The following WDR4 variants were observed in gnomAD, a reference collection of about 807,000 sequenced individuals.
The protein encoded by WDR4 is WDR4 tRNA N7-guanosine methyltransferase non-catalytic subunit, also known as tRNA (guanine-N(7)-)-methyltransferase non-catalytic subunit WDR4.
Under a neutral mutation model 48.6 loss-of-function variants are expected in WDR4, and 47 were observed. That is an observed-to-expected ratio of 0.97 (90% CI 0.77 to 1.23). WDR4 has a LOEUF of 1.23. Ranked by LOEUF, WDR4 falls within the 50% of genes most tolerant of loss-of-function variation. WDR4 has a pLI of 0.00. For missense variants in WDR4, 606 were observed against 551.6 expected, an observed-to-expected ratio of 1.10 and a Z score of -0.99; for synonymous variants, 268 against 230.0, an observed-to-expected ratio of 1.17 and a Z score of -1.49.
At chr21:42,873,513 A>G in intron 3 of WDR4, 38 bp downstream of exon 3, 1 of 1,611,684 alleles carries the variant, frequency 6.2e-7, no homozygotes, top group East Asian at 2.2e-5. Context: ...TAAGGTGTGC[A>G]TTCGACATCT....
chr21:42,879,532 C>G lies in WDR4; in HGVS notation c.-37G>C, dbSNP rs770090848. On this transcript the variant is annotated 5_prime_UTR_variant, in exon 1 of 11. Coordinates refer to ENST00000398208, the MANE Select transcript of WDR4 (RefSeq NM_018669.6). ...CCTCACCGCCATACACATGTGCCAGCCCAGAGCCTCTTCCTGTCCGCACCG... is the reference window on the plus strand; with the variant it reads ...CCTCACCGCCATACACATGTGCCAGGCCAGAGCCTCTTCCTGTCCGCACCG... 47 of 1,609,160 alleles carry G rather than the reference C, an allele frequency of 2.9e-5. No homozygotes were observed. In the South Asian group the frequency reaches 4.5e-4, roughly 15 times the overall value.
chr21:42,887,525 T>C, the WDR4 span, among the ~76,000 whole-genome samples: 5 of 152,116 alleles, frequency 3.3e-5, no homozygotes, highest in Non-Finnish European at 4.4e-5. Flanking sequence ...GCATTTTAAG[T>C]AGATACTTAG....
upstream of WDR4, among the ~76,000 whole-genome samples, chr21:42,882,743 A>G (rs527751330): frequency 9.4e-4 from 143 of 152,090 alleles, no homozygotes; most frequent in African/African-American, 3.2e-3. Flanking sequence ...TAGGAGAATC[A>G]ATTGAGGTCA....
intron 6 of WDR4, among the ~76,000 whole-genome samples, chr21:42,859,149 C>T (rs905781788): frequency 8.6e-5 from 13 of 152,036 alleles, no homozygotes; most frequent in East Asian, 1.9e-4. Flanking sequence ...TGCGGGCGCT[C>T]GAGCCTGTGG....
Position 42,855,677 on chromosome 21 carries a change from G to A in WDR4, c.726+5C>T, listed in dbSNP as rs1251046713. 2 of 1,546,344 alleles carry A rather than the reference G, an allele frequency of 1.3e-6. No homozygotes were observed. Among genetic ancestry groups the A allele is most frequent in the Non-Finnish European group, 1.8e-6 (2 of 1,142,820 alleles). ...AGTCGCCCAGGAGTGAACAGAAGCA[G>A]CTACCTGGGGGGCCTGGGGGTCCAC... On this transcript the variant is annotated splice_donor_5th_base_variant and intron_variant, in intron 7 of 10. Transcript: ENST00000398208.
chr21:42,872,777 A>T (rs909715078), intron 3 of WDR4, among the ~76,000 whole-genome samples: 1 of 152,002 alleles, frequency 6.6e-6, no homozygotes, highest in African/African-American at 2.4e-5. Context: ...CTCTACTAAA[A>T]ATACAAAAAA....
intron 11 of WDR4, among the ~76,000 whole-genome samples, chr21:42,843,570 C>T (rs1439256319): frequency 6.7e-6 from 1 of 149,884 alleles, no homozygotes; most frequent in Non-Finnish European, 1.5e-5. Flanking sequence ...GCCACCACAC[C>T]TGGCTAATTT....
intron 2 of WDR4, 109 bp from the exon 3 acceptor site, chr21:42,873,800 A>G: frequency 7.4e-7 from 1 of 1,357,240 alleles, no homozygotes; most frequent in South Asian, 1.4e-5. Flanking sequence ...GAAACTGTTA[A>G]GGGGATCACG....
Position 42,849,515 on chromosome 21 carries a change from C to G in WDR4, c.*534G>C, listed in dbSNP as rs1402113432. The stretch of plus-strand genomic sequence containing the variant: ...TCACTTCCCACAAGGGAGCCACTCT[C>G]CAGGAGCAGCTCCTGAGCACAAGGG... On this transcript the variant is annotated 3_prime_UTR_variant, in exon 11 of 11. Coordinates refer to ENST00000398208, the MANE Select transcript of WDR4 (RefSeq NM_018669.6). 6.6e-6 allele frequency: 1 copy of G among 152,658 alleles called. No individual in the cohort carries two copies. The highest frequency in any genetic ancestry group is 2.4e-5 in the African/African-American group (1 of 41,472). The allele number at this position is 152,658 out of a possible 1,614,324, so 9.5% of individuals were successfully genotyped here. A position where few individuals can be genotyped will look rare whatever the true frequency, so the allele number is the denominator to read the frequency against.
At chr21:42,853,224 GGCTGTGCTAATCCAGCCTCCAA>G (rs968359874) in intron 9 of WDR4, among the ~76,000 whole-genome samples, 4 of 152,278 alleles carry the variant, frequency 2.6e-5, no homozygotes, top group African/African-American at 9.6e-5. Context: ...CCAGGCCCGA[GGCTGTGCTAATCCAGCCTCCAA>G]GTGTTAGTCC....
At chr21:42,846,883 G>A (rs1447684201), downstream of WDR4, among the ~76,000 whole-genome samples, 12 of 152,054 alleles carry the variant, frequency 7.9e-5, no homozygotes, top group East Asian at 1.9e-4. Context: ...TTAGCCAGGC[G>A]TGGTGGCAGG....
At chr21:42,890,478 G>C in the WDR4 span, among the ~76,000 whole-genome samples, 8 of 152,330 alleles carry the variant, frequency 5.3e-5, no homozygotes. Context: ...GGAGGTTTCA[G>C]TGAGCCAAGA....
rs970115428 is a variant in WDR4 at position 42,849,359 on chromosome 21, A to G, written c.*690T>C. 6.6e-6 allele frequency: 1 copy of G among 152,298 alleles called. No individual in the cohort carries two copies. Among genetic ancestry groups the G allele is most frequent in the Non-Finnish European group, 1.5e-5 (1 of 68,086 alleles). The allele number at this position is 152,298 out of a possible 1,614,324, so 9.4% of individuals were successfully genotyped here. A position where few individuals can be genotyped will look rare whatever the true frequency, so the allele number is the denominator to read the frequency against. On this transcript the variant is annotated 3_prime_UTR_variant, in exon 11 of 11. Coordinates refer to ENST00000398208, the MANE Select transcript of WDR4 (RefSeq NM_018669.6). The stretch of plus-strand genomic sequence containing the variant: ...GTGTGTGCCAAGGTCAAATCAAATC[A>G]TAACGACGTCCTCAATCACCTCCCT...
the WDR4 span, among the ~76,000 whole-genome samples, chr21:42,886,599 G>C: frequency 6.6e-6 from 1 of 152,208 alleles, no homozygotes; most frequent in Non-Finnish European, 1.5e-5. Context: ...CTTTGCCAGC[G>C]TAAGGCCTGT....
At chr21:42,853,481 A>C in intron 9 of WDR4, 88 bp downstream of exon 9, 1 of 1,432,574 alleles carries the variant, frequency 7.0e-7, no homozygotes. Context: ...AGGCTTACCC[A>C]TGGACCCAAA....
chr21:42,867,285 G>T (rs2058267269), intron 3 of WDR4, among the ~76,000 whole-genome samples: 1 of 151,940 alleles, frequency 6.6e-6, no homozygotes, highest in African/African-American at 2.4e-5. Flanking sequence ...CAGCTACTCA[G>T]GAGGCTGAGG....
intron 5 of WDR4, among the ~76,000 whole-genome samples, chr21:42,861,118 T>C (rs1479529169): frequency 6.6e-6 from 1 of 151,982 alleles, no homozygotes; most frequent in East Asian, 1.9e-4. Flanking sequence ...AAGACCAGCC[T>C]GGCCAACATA....
chr21:42,863,030 G>A (rs933958991), intron 4 of WDR4, among the ~76,000 whole-genome samples: 2 of 152,258 alleles, frequency 1.3e-5, no homozygotes, highest in South Asian at 2.1e-4. Context: ...CCAAGGAGGC[G>A]GAGCCAGAGG....
chr21:42,881,451 A>G (rs1441578813), upstream of WDR4, among the ~76,000 whole-genome samples: 2 of 152,200 alleles, frequency 1.3e-5, no homozygotes, highest in Non-Finnish European at 2.9e-5. Flanking sequence ...GTGTCTCAAC[A>G]TATTCAAGCA....
Sources: gnomAD v4.1 joint callset for allele counts (sites outside exome capture counted in the v4.1 genomes callset) on GRCh38, gnomAD v4.1.1 for gene constraint, MANE v1.5 for transcripts, NCBI Gene and HGNC (gene_info 2026-07-23, HGNC 2026-07-21) for gene names.